PLD1: variants seen among roughly 807,000 people sequenced by gnomAD.
PLD1 encodes phospholipase D1.
Under a neutral mutation model 137.1 loss-of-function variants are expected in PLD1, and 112 were observed. The ratio of observed to expected loss-of-function variants is 0.82; its 90% confidence interval spans 0.70 to 0.96. The LOEUF (loss-of-function observed/expected upper bound fraction) is 0.96. PLD1 is among the 40% of genes least tolerant of loss of function. The pLI is 0.00. For synonymous variants in PLD1, 431 were observed against 454.7 expected (o/e 0.95, Z 0.66); for missense variants, 1,321 against 1,342.0 (o/e 0.98, Z 0.24).
At chr3:171,808,402 A>G (rs936173422) in intron 1 of PLD1, among the ~76,000 whole-genome samples, 1 of 152,078 alleles carries the variant, frequency 6.6e-6, no homozygotes, top group South Asian at 2.1e-4. Context: ...CGGGCGTGGC[A>G]GCAGGCGCCT....
At chr3:171,792,471 G>A (rs978198912) in intron 1 of PLD1, 1 of 417,652 alleles carries the variant, frequency 2.4e-6, no homozygotes, top group Admixed American at 2.6e-5. Flanking sequence ...CAGGCATTCA[G>A]TACCACACCA....
Position 171,662,172 on chromosome 3 carries a change from T to A in PLD1, c.2230-2A>T. The A allele has an allele frequency of 6.4e-7, 1 of 1,572,158 alleles. No homozygotes were observed. Among genetic ancestry groups the A allele is most frequent in the Non-Finnish European group, 8.8e-7 (1 of 1,142,402 alleles). ...CCAATCAGCAGCAGAGCGGAGCAAC[T>A]ACAAGGCAGCAATCAGAAATGAACA... On this transcript the variant is annotated splice_acceptor_variant, in intron 19 of 26. Transcript: ENST00000351298. LOFTEE classifies it high-confidence loss of function.
At chr3:171,623,020 C>A (rs1331311492) in intron 23 of PLD1, among the ~76,000 whole-genome samples, 1 of 151,926 alleles carries the variant, frequency 6.6e-6, no homozygotes, top group East Asian at 1.9e-4. Flanking sequence ...AAAAAACTAT[C>A]AAGACACAAG....
chr3:171,784,991 TAC>T (rs1187955135), intron 1 of PLD1, among the ~76,000 whole-genome samples: 1 of 152,188 alleles, frequency 6.6e-6, no homozygotes, highest in Non-Finnish European at 1.5e-5. Context: ...AAAAGTTAAA[TAC>T]AGTGTTAGGT....
intron 1 of PLD1, among the ~76,000 whole-genome samples, chr3:171,741,638 A>C (rs1323165431): frequency 6.6e-6 from 1 of 152,230 alleles, no homozygotes; most frequent in Non-Finnish European, 1.5e-5. Flanking sequence ...AGATAAGAGC[A>C]GCTGTGTTTT....
intron 1 of PLD1, among the ~76,000 whole-genome samples, chr3:171,801,139 T>C (rs545632722): frequency 4.6e-5 from 7 of 152,384 alleles, no homozygotes; most frequent in African/African-American, 9.6e-5. Flanking sequence ...TTTGGATGAC[T>C]GCATTAGACT....
chr3:171,608,345 C>CT (rs11401263), intron 25 of PLD1, among the ~76,000 whole-genome samples: 79,011 of 151,982 alleles, frequency 0.52, 21,815 homozygotes, highest in African/African-American at 0.72. Context: ...GGTGTCAGTT[C>CT]TTTTCTTCAT....
intron 16 of PLD1, among the ~76,000 whole-genome samples, chr3:171,678,175 T>C (rs375741066): frequency 1.3e-5 from 2 of 152,320 alleles, no homozygotes; most frequent in African/African-American, 2.4e-5. Flanking sequence ...GCACACCTGA[T>C]GCATAATTCT....
At chr3:171,785,572 C>T (rs1029848388) in intron 1 of PLD1, among the ~76,000 whole-genome samples, 1 of 151,896 alleles carries the variant, frequency 6.6e-6, no homozygotes. Flanking sequence ...CCGAGTAGCT[C>T]GCATTACAGG....
chr3:171,796,148 T>C lies in PLD1; in HGVS notation c.-32+14251A>G, dbSNP rs74543367. 4.8e-3 allele frequency among the ~76,000 whole-genome samples: 733 copies of C among 152,336 alleles called. 10 individuals carry two copies. Among genetic ancestry groups the C allele is most frequent in the African/African-American group, 0.017 (705 of 41,568 alleles). On this transcript the variant is annotated intron_variant, in intron 1 of 26. Transcript: ENST00000351298. The stretch of plus-strand genomic sequence containing the variant: ...GTCCACTTTTTGTAAGTATTTACGA[T>C]GAGTGCAGTGAAGAAGACGAAAATG...
In PLD1 at chr3:171,737,910, C is replaced by T. The variant is rs745972429; in HGVS notation, c.142G>A (p.Asp48Asn). The change falls in exon 2 of 27, where the codon GAT becomes AAT. Residue 48 changes from aspartate to asparagine, a missense_variant. By Grantham distance (23) the Asp-to-Asn change is conservative. Transcript: ENST00000351298. ...EEVDYDVSPS[D>N]PKIQEVYIPF... ...TCTTTACCTTCTTGTATCTTGGGAT[C>T]GCTGGGAGACACGTCGTAGTCTACC... 1.2e-5 allele frequency: 20 copies of T among 1,613,552 alleles called. No homozygotes were observed. Among genetic ancestry groups the T allele is most frequent in the South Asian group, 4.4e-5 (4 of 90,986 alleles).
At chr3:171,647,536 G>A (rs1431421739) in intron 21 of PLD1, among the ~76,000 whole-genome samples, 2 of 151,158 alleles carry the variant, frequency 1.3e-5, no homozygotes, top group South Asian at 2.1e-4. Flanking sequence ...TGCAACCTCC[G>A]CCTCCCAGGT....
chr3:171,768,340 G>A (rs533019535), intron 1 of PLD1, among the ~76,000 whole-genome samples: 8 of 152,172 alleles, frequency 5.3e-5, no homozygotes, highest in East Asian at 3.9e-4. Context: ...TGGTTCTTGA[G>A]GGGGGCAAGA....
intron 1 of PLD1, chr3:171,789,487 G>A (rs527272141): frequency 5.3e-5 from 8 of 152,340 alleles, no homozygotes; most frequent in African/African-American, 1.7e-4. Flanking sequence ...GAAGTCAGCA[G>A]TATTCCTCAG....
intron 26 of PLD1, among the ~76,000 whole-genome samples, chr3:171,603,873 C>T (rs1475689845): frequency 6.6e-6 from 1 of 152,014 alleles, no homozygotes; most frequent in African/African-American, 2.4e-5. Flanking sequence ...TTAAGTTATG[C>T]TTCATATTCA....
intron 8 of PLD1, among the ~76,000 whole-genome samples, chr3:171,722,539 T>C (rs973252344): frequency 6.6e-6 from 1 of 152,196 alleles, no homozygotes; most frequent in Non-Finnish European, 1.5e-5. Context: ...GATTTGTCTA[T>C]TCTGAAAATT....
intron 4 of PLD1, 91 bp downstream of exon 4, chr3:171,735,401 G>T: frequency 9.5e-7 from 1 of 1,049,902 alleles, no homozygotes; most frequent in Non-Finnish European, 1.5e-6. Context: ...CTCCCAAAGT[G>T]GTGAGATTAC....
At chr3:171,627,599 C>G (rs1734238271) in intron 23 of PLD1, among the ~76,000 whole-genome samples, 2 of 152,088 alleles carry the variant, frequency 1.3e-5, no homozygotes, top group Non-Finnish European at 2.9e-5. Context: ...AAATTGACCA[C>G]ATAGTTGGAA....
intron 19 of PLD1, among the ~76,000 whole-genome samples, chr3:171,666,952 T>G (rs1235740004): frequency 6.6e-6 from 1 of 152,212 alleles, no homozygotes; most frequent in Non-Finnish European, 1.5e-5. Flanking sequence ...CCTTCCATCC[T>G]ATGGGCCCAA....
Sources: gnomAD v4.1 joint callset for allele counts (sites outside exome capture counted in the v4.1 genomes callset) on GRCh38, gnomAD v4.1.1 for gene constraint, MANE v1.5 for transcripts, NCBI Gene and HGNC (gene_info 2026-07-23, HGNC 2026-07-21) for gene names.